AIPL1: variants seen among roughly 807,000 people sequenced by gnomAD.
AIPL1 encodes AIP like 1 HSP90 co-chaperone, also known as aryl-hydrocarbon-interacting protein-like 1.
AIPL1 carries 23 observed loss-of-function variants against 32.9 expected under a neutral mutation model. The ratio of observed to expected loss-of-function variants is 0.70; its 90% CI spans 0.50 to 0.99. The LOEUF (loss-of-function observed/expected upper bound fraction) is 0.99, where lower values mean the gene tolerates loss of function less well. Ranked by LOEUF, AIPL1 falls within the 50% of genes least tolerant of loss-of-function variation. AIPL1 has a pLI of 0.00. For synonymous variants in AIPL1, 210 were observed against 209.4 expected (o/e 1.00, Z -0.02); for missense variants, 485 against 506.0 (o/e 0.96, Z 0.40).
At chr17:6,434,246 C>T in intron 1 of AIPL1, 148 bp from the exon 2 acceptor site, 1 of 905,762 alleles carries the variant, frequency 1.1e-6, no homozygotes, top group South Asian at 1.4e-5. Context: ...GGAGCACCTC[C>T]ACCCTGCCTG....
In AIPL1 at chr17:6,434,027, G is replaced by A. The variant is rs755217425; in HGVS notation, c.168C>T (p.Gly56=). The change falls in exon 2 of 6, where the codon GGC becomes GGT. Residue 56 remains glycine (G), a synonymous_variant. Transcript: ENST00000381129. The part of the protein sequence containing the change: ...RTVIDDSRQV[G]QPMHIIIGNM... The stretch of plus-strand genomic sequence containing the variant: ...TTCCGATGATGATGTGCATGGGCTG[G>A]CCCACCTGCCGACTGTCGTCAATGA... 8.7e-6 allele frequency: 14 copies of A among 1,613,912 alleles called. No individual in the cohort carries two copies. Among genetic ancestry groups the A allele is most frequent in the Non-Finnish European group, 5.1e-6 (6 of 1,180,010 alleles).
Position 6,435,057 on chromosome 17 carries a change from A to T in AIPL1, c.48T>A (p.Ile16=), listed in dbSNP as rs759542880. Residue 16 remains isoleucine (I), a synonymous_variant, in exon 1 of 6, where the codon ATT becomes ATA. Coordinates refer to ENST00000381129, the MANE Select transcript of AIPL1 (RefSeq NM_014336.5). ...GGAGCTCGCCCGTGCCCCCGTGCAG[A>T]ATGGTTTTCTTGACCCCTTCCACGT... ...LLNVEGVKKT[I]LHGGTGELPN... 1 of 1,613,998 alleles carries T rather than the reference A, an allele frequency of 6.2e-7. No homozygotes were observed. Among genetic ancestry groups the T allele is most frequent in the African/African-American group, 1.3e-5 (1 of 74,894 alleles).
At chr17:6,432,284 A>G (rs1290745835) in intron 2 of AIPL1, among the ~76,000 whole-genome samples, 3 of 152,036 alleles carry the variant, frequency 2.0e-5, no homozygotes, top group Admixed American at 2.0e-4. Flanking sequence ...CTGAGGCAGG[A>G]GAATCACTTG....
intron 5 of AIPL1, 130 bp from the exon 6 acceptor site, chr17:6,425,960 A>G: frequency 7.8e-7 from 1 of 1,278,338 alleles, no homozygotes. Flanking sequence ...TGTATCCCCC[A>G]TCCCTCGGTT....
At position 6,425,677 on chromosome 17, in the gene AIPL1, G is replaced by A. The variant is rs139900367; in HGVS notation, c.938C>T (p.Ala313Val). 18 of 1,609,862 alleles carry A rather than the reference G, an allele frequency of 1.1e-5. No homozygotes were observed. The highest frequency in any genetic ancestry group is 5.3e-5 in the African/African-American group (4 of 74,912). ...CAGCCGCTCCTCCTCCTGCTTCTCC[G>A]CCATGCGGTTCTCCAGCAGCCTCAG... ...RELRLLENRM[A>V]EKQEEERLRC... Residue 313 changes from alanine (A) to valine (V), a missense_variant, in exon 6 of 6, where the codon GCG (alanine) becomes GTG (valine). Coordinates refer to ENST00000381129, the MANE Select transcript of AIPL1 (RefSeq NM_014336.5).
chr17:6,431,192 T>C (rs1308270728), intron 2 of AIPL1, among the ~76,000 whole-genome samples: 1 of 152,030 alleles, frequency 6.6e-6, no homozygotes, highest in Non-Finnish European at 1.5e-5. Context: ...ACGCCTGTAA[T>C]CCCAACACTT....
At chr17:6,430,157 G>A (rs1912451121) in intron 2 of AIPL1, among the ~76,000 whole-genome samples, 1 of 151,626 alleles carries the variant, frequency 6.6e-6, no homozygotes, top group Admixed American at 6.6e-5. Flanking sequence ...ATGGAGATTA[G>A]GAAAACCCAT....
At chr17:6,429,213 A>C (rs1484015238) in intron 2 of AIPL1, among the ~76,000 whole-genome samples, 1 of 152,206 alleles carries the variant, frequency 6.6e-6, no homozygotes, top group African/African-American at 2.4e-5. Flanking sequence ...GGCCTCAGCG[A>C]GGCCTGCTGT....
intron 3 of AIPL1, among the ~76,000 whole-genome samples, chr17:6,427,609 A>G (rs563315023): frequency 1.6e-4 from 25 of 152,182 alleles, no homozygotes; most frequent in African/African-American, 4.6e-4. Context: ...CGCGCTGCCA[A>G]TCACTCTGGG....
chr17:6,427,007 A>G lies in AIPL1; in HGVS notation c.516T>C (p.His172=), dbSNP rs62637017. Residue 172 remains histidine (H), a synonymous_variant, in exon 4 of 6, where the codon CAT becomes CAC. Coordinates refer to ENST00000381129, the MANE Select transcript of AIPL1 (RefSeq NM_014336.5). ...GGACGGGCACCGCCTTCATCTTCTC[A>G]TGATTGCTCAGGTTCCAGGTCTCCC... ...YQRETWNLSN[H]EKMKAVPVLH... The G allele has an allele frequency of 2.5e-3, 3,976 of 1,613,980 alleles. 15 individuals are homozygous for G. Among genetic ancestry groups the G allele is most frequent in the Non-Finnish European group, 2.8e-3 (3,321 of 1,179,894 alleles).
rs1483744948 is a variant in AIPL1 at position 6,425,643 on chromosome 17, C to G, written c.972G>C (p.Arg324=). The stretch of plus-strand genomic sequence containing the variant: ...GCGTGGCACCCTGGCTCAGCATGTT[C>G]CGGCAGCGCAGCCGCTCCTCCTCCT... The part of the protein sequence containing the change: ...EKQEEERLRC[R]NMLSQGATQP... The change falls in exon 6 of 6, where the codon CGG becomes CGC. Residue 324 remains arginine, a synonymous_variant. Transcript: ENST00000381129. The G allele has an allele frequency of 1.9e-6, 3 of 1,612,292 alleles. No individual in the cohort carries two copies. The highest frequency in any genetic ancestry group is 2.5e-6 in the Non-Finnish European group (3 of 1,179,914).
At chr17:6,434,859 A>C (rs752734227) in intron 1 of AIPL1, 150 bp downstream of exon 1, 6 of 1,409,056 alleles carry the variant, frequency 4.3e-6, no homozygotes, top group Non-Finnish European at 5.7e-6. Context: ...TGAATGGGTA[A>C]ACGCTGGGAG....
intron 2 of AIPL1, among the ~76,000 whole-genome samples, chr17:6,432,254 G>T (rs1912672038): frequency 6.6e-6 from 1 of 151,886 alleles, no homozygotes; most frequent in African/African-American, 2.4e-5. Context: ...GTGGTGGCGG[G>T]CACCTGTAGT....
intron 2 of AIPL1, among the ~76,000 whole-genome samples, chr17:6,429,158 T>C (rs1912302917): frequency 6.6e-6 from 1 of 152,168 alleles, no homozygotes; most frequent in Non-Finnish European, 1.5e-5. Flanking sequence ...GGGAGCTGAG[T>C]TTGCCACCCT....
In AIPL1 at chr17:6,433,929, C is replaced by T. The variant is rs1567644228; in HGVS notation, c.266G>A (p.Cys89Tyr). 6.2e-7 allele frequency: 1 copy of T among 1,604,828 alleles called. No homozygotes were observed. The highest frequency in any genetic ancestry group is 8.5e-7 in the Non-Finnish European group (1 of 1,177,038). The change falls in exon 2 of 6, where the codon TGC (cysteine) becomes TAC (tyrosine). Residue 89 changes from cysteine to tyrosine, a missense_variant. Cys to Tyr is a radical substitution (Grantham distance 194, BLOSUM62 -2). Transcript: ENST00000381129. ...GCAGGGCCTACTTACGATGGTGTCG[C>T]ACCAGAACTCGGCCACCTCGTGCAC... ...MRVHEVAEFW[C>Y]DTIHTGVYPI...
chr17:6,434,689 C>G (rs1230787904), intron 1 of AIPL1, among the ~76,000 whole-genome samples: 2 of 152,172 alleles, frequency 1.3e-5, no homozygotes, highest in Non-Finnish European at 2.9e-5. Context: ...CAGACGCACC[C>G]TTCAGTCCAG....
intron 2 of AIPL1, among the ~76,000 whole-genome samples, chr17:6,432,610 C>T (rs892051655): frequency 6.7e-6 from 1 of 150,216 alleles, no homozygotes; most frequent in Non-Finnish European, 1.5e-5. Context: ...CATAATGGTA[C>T]AATGGTAAAG....
At chr17:6,426,291 C>G in intron 5 of AIPL1, 1 of 1,342,722 alleles carries the variant, frequency 7.4e-7, no homozygotes, top group Non-Finnish European at 9.6e-7. Flanking sequence ...AACACCAGTA[C>G]TAGTACCGAC....
chr17:6,425,514 A>AG lies in AIPL1; in HGVS notation c.1100dup (p.Ala368CysfsTer40). ...GGGGTGGCTCTGTGGCTGGCTCTGC[A>AG]GGGGGCCCTGCGGACAGCTCTGCAG... On this transcript the variant is annotated frameshift_variant, in exon 6 of 6. Coordinates refer to ENST00000381129, the MANE Select transcript of AIPL1 (RefSeq NM_014336.5). LOFTEE classifies it low-confidence loss of function (END_TRUNC). 1 of 1,609,584 alleles carries AG rather than the reference A, an allele frequency of 6.2e-7. No individual in the cohort carries two copies.
Sources: gnomAD v4.1 joint callset for allele counts (sites outside exome capture counted in the v4.1 genomes callset) on GRCh38, gnomAD v4.1.1 for gene constraint, MANE v1.5 for transcripts, NCBI Gene and HGNC (gene_info 2026-07-23, HGNC 2026-07-21) for gene names.